Variants in GMDS observed in about 807,000 individuals in gnomAD.
GMDS encodes GDP-mannose 4,6-dehydratase.
GMDS carries 20 observed loss-of-function variants against 49.9 expected under a neutral mutation model. That is an observed-to-expected ratio of 0.40 (90% CI 0.28 to 0.58). GMDS has a LOEUF of 0.58. GMDS is among the 20% of genes least tolerant of loss of function. The pLI is 0.42. For missense variants in GMDS, 362 were observed against 481.4 expected (o/e 0.75, Z 2.32); for synonymous variants, 177 against 178.6 (o/e 0.99, Z 0.07).
rs576277663 is a variant in GMDS at position 2,181,818 on chromosome 6, A to T, written c.103-57087T>A. On this transcript the variant is annotated intron_variant, in intron 1 of 10. Coordinates refer to ENST00000380815, the MANE Select transcript of GMDS (RefSeq NM_001500.4). ...CCTCCCCCTTCCTTAGAAAAACAAC[A>T]TTGAAATTAGACCAACTAATAACCC... Among the ~76,000 whole-genome samples the T allele has an allele frequency of 2.6e-5, 4 of 152,294 alleles. No homozygotes were observed. The East Asian group carries it at 7.7e-4, about 29-fold the overall frequency.
chr6:1,961,886 T>C (rs1197781220), intron 4 of GMDS, among the ~76,000 whole-genome samples: 6 of 152,134 alleles, frequency 3.9e-5, no homozygotes, highest in African/African-American at 9.7e-5. Flanking sequence ...CACATGCAAA[T>C]GGTATTCAGG....
chr6:2,158,095 A>G (rs978167763), intron 1 of GMDS, among the ~76,000 whole-genome samples: 1 of 151,826 alleles, frequency 6.6e-6, no homozygotes, highest in Non-Finnish European at 1.5e-5. Flanking sequence ...TTCATGTTCA[A>G]CTCCCACAGT....
chr6:2,057,213 G>C (rs149859259), intron 4 of GMDS, among the ~76,000 whole-genome samples: 1 of 152,112 alleles, frequency 6.6e-6, no homozygotes, highest in Non-Finnish European at 1.5e-5. Context: ...AAAATACAGT[G>C]ATGTTCTTCT....
At chr6:1,681,259 C>A (rs1241620624) in intron 9 of GMDS, among the ~76,000 whole-genome samples, 1 of 152,088 alleles carries the variant, frequency 6.6e-6, no homozygotes, top group Non-Finnish European at 1.5e-5. Flanking sequence ...TGCCACCCTG[C>A]CGCCAAGACA....
At chr6:1,741,507 A>T (rs1031730028) in intron 8 of GMDS, among the ~76,000 whole-genome samples, 1 of 152,016 alleles carries the variant, frequency 6.6e-6, no homozygotes, top group African/African-American at 2.4e-5. Flanking sequence ...AATTTCTTTC[A>T]TCTTTCTTTT....
intron 4 of GMDS, among the ~76,000 whole-genome samples, chr6:2,091,364 T>C (rs1020620361): frequency 2.0e-5 from 3 of 152,234 alleles, no homozygotes. Context: ...CTTTGGACTA[T>C]CAGGATCTCA....
chr6:1,741,569 G>A (rs1253611326), intron 8 of GMDS, among the ~76,000 whole-genome samples: 2 of 151,910 alleles, frequency 1.3e-5, no homozygotes, highest in Admixed American at 1.3e-4. Context: ...CCAGCACTTT[G>A]GGAGGCCAAG....
intron 7 of GMDS, among the ~76,000 whole-genome samples, chr6:1,803,309 G>T (rs1457345438): frequency 6.6e-6 from 1 of 152,102 alleles, no homozygotes; most frequent in Non-Finnish European, 1.5e-5. Flanking sequence ...AGACTGTTTT[G>T]CAGTCGAGAA....
intron 1 of GMDS, among the ~76,000 whole-genome samples, chr6:2,198,587 C>T (rs1779376046): frequency 6.7e-6 from 1 of 150,136 alleles, no homozygotes; most frequent in Admixed American, 6.6e-5. Context: ...GAGAATTAAG[C>T]AATAAAGAAA....
chr6:1,902,707 C>G (rs1043642366), intron 7 of GMDS, among the ~76,000 whole-genome samples: 2 of 152,166 alleles, frequency 1.3e-5, no homozygotes, highest in Non-Finnish European at 2.9e-5. Context: ...CAGTGGACTT[C>G]TAAAAATTCC....
At chr6:1,727,785 G>T (rs1387613572) in intron 8 of GMDS, among the ~76,000 whole-genome samples, 1 of 152,180 alleles carries the variant, frequency 6.6e-6, no homozygotes, top group African/African-American at 2.4e-5. Context: ...GGAATAATCA[G>T]TTTGTTAGTG....
At chr6:2,028,848 A>G (rs1384680440) in intron 4 of GMDS, among the ~76,000 whole-genome samples, 2 of 152,178 alleles carry the variant, frequency 1.3e-5, no homozygotes, top group African/African-American at 4.8e-5. Context: ...ACTAACGACT[A>G]TATTCCAGTT....
intron 1 of GMDS, among the ~76,000 whole-genome samples, chr6:2,179,605 A>G (rs1778430400): frequency 6.6e-6 from 1 of 152,144 alleles, no homozygotes; most frequent in African/African-American, 2.4e-5. Context: ...CCAGACACCA[A>G]TCCTGTAGTG....
chr6:1,732,698 A>G (rs1451470470), intron 8 of GMDS, among the ~76,000 whole-genome samples: 1 of 152,238 alleles, frequency 6.6e-6, no homozygotes, highest in African/African-American at 2.4e-5. Context: ...TGTATGTCGG[A>G]AAGGGCCCAC....
intron 9 of GMDS, among the ~76,000 whole-genome samples, chr6:1,673,403 A>G (rs1413081280): frequency 4.0e-5 from 6 of 151,210 alleles, no homozygotes; most frequent in African/African-American, 1.2e-4. Context: ...GTATTTTTAG[A>G]GCAGTTTTAG....
chr6:2,182,555 C>G (rs1258322813), intron 1 of GMDS, among the ~76,000 whole-genome samples: 2 of 152,168 alleles, frequency 1.3e-5, no homozygotes, highest in East Asian at 1.9e-4. Context: ...TGTTTATTTG[C>G]AATTCCAAAA....
At chr6:1,849,727 G>C (rs1202797077) in intron 7 of GMDS, among the ~76,000 whole-genome samples, 3 of 152,122 alleles carry the variant, frequency 2.0e-5, no homozygotes, top group African/African-American at 7.2e-5. Context: ...ATTCTAAAGA[G>C]TCTACTATAA....
chr6:1,696,257 C>G (rs1398048863), intron 9 of GMDS, among the ~76,000 whole-genome samples: 1 of 152,214 alleles, frequency 6.6e-6, no homozygotes, highest in East Asian at 1.9e-4. Context: ...CACCTATAAT[C>G]TGTGACTTGC....
chr6:1,844,723 G>A (rs1037731567), intron 7 of GMDS, among the ~76,000 whole-genome samples: 1 of 152,160 alleles, frequency 6.6e-6, no homozygotes, highest in African/African-American at 2.4e-5. Context: ...GGAAGTTCAA[G>A]CTGCACCTAT....
Sources: allele counts gnomAD v4.1 joint callset (sites outside exome capture counted in the v4.1 genomes callset), GRCh38; gene constraint gnomAD v4.1.1; transcripts MANE v1.5; gene names NCBI Gene and HGNC (gene_info 2026-07-23, HGNC 2026-07-21).